The following DESI2 variants were observed in gnomAD, a reference collection of about 807,000 sequenced individuals.
DESI2 encodes desumoylating isopeptidase 2, also known as deubiquitinase DESI2.
DESI2 carries 10 observed loss-of-function variants against 24.1 expected under a neutral mutation model. The ratio of observed to expected loss-of-function variants is 0.41; its 90% CI spans 0.26 to 0.70. The LOEUF is 0.70. DESI2 is among the 30% of genes least tolerant of loss of function. The pLI is 0.29. For missense variants in DESI2, 122 were observed against 234.9 expected (o/e 0.52, Z 3.14); for synonymous variants, 71 against 87.7 (o/e 0.81, Z 1.06).
intron 2 of DESI2, among the ~76,000 whole-genome samples, chr1:244,688,248 A>C (rs1366885157): frequency 1.3e-5 from 2 of 152,224 alleles, no homozygotes; most frequent in Non-Finnish European, 2.9e-5. Context: ...TATAATTGAG[A>C]AAGTTAAGAA....
rs1483776983 is a variant in DESI2, at chr1:244,671,744, A to G, written c.43-14853A>G. Among the ~76,000 whole-genome samples, 3 of 152,318 alleles carry G rather than the reference A, an allele frequency of 2.0e-5. No individual in the cohort carries two copies. In the East Asian group the frequency reaches 5.8e-4, roughly 29 times the overall value. On this transcript the variant is annotated intron_variant, in intron 1 of 4. Coordinates refer to ENST00000302550, the MANE Select transcript of DESI2 (RefSeq NM_016076.5). Reference sequence around the variant, plus strand: ...TGTTTTGTTTGTCTTTTATGGATACATGTTATTGGCTATGATTTTGTTTTG... The same window carrying G: ...TGTTTTGTTTGTCTTTTATGGATACGTGTTATTGGCTATGATTTTGTTTTG...
intron 1 of DESI2, among the ~76,000 whole-genome samples, chr1:244,657,341 A>G (rs752659002): frequency 1.2e-4 from 18 of 152,144 alleles, no homozygotes; most frequent in Non-Finnish European, 2.1e-4. Flanking sequence ...TCGTATCTCA[A>G]ATCAACATGT....
intron 1 of DESI2, among the ~76,000 whole-genome samples, chr1:244,662,042 C>A (rs959357636): frequency 3.3e-5 from 5 of 152,178 alleles, no homozygotes; most frequent in African/African-American, 1.2e-4. Flanking sequence ...AAAAGTGTTC[C>A]TATTTCTCCA....
At chr1:244,683,707 A>C (rs2813913) in intron 1 of DESI2, among the ~76,000 whole-genome samples, 148,895 of 151,902 alleles carry the variant, frequency 0.98, 73,040 homozygotes, top group Non-Finnish European at 1. Flanking sequence ...AGAGCATCAC[A>C]CCTGCCCCAA....
intron 1 of DESI2, among the ~76,000 whole-genome samples, chr1:244,683,871 A>ATT (rs35465768): frequency 3.0e-4 from 42 of 141,748 alleles, no homozygotes; most frequent in East Asian, 1.2e-3. Flanking sequence ...TACCTGGCTA[A>ATT]TTTTTTTTTT....
At chr1:244,705,191 A>G (rs373775061) in intron 4 of DESI2, among the ~76,000 whole-genome samples, 13 of 152,346 alleles carry the variant, frequency 8.5e-5, no homozygotes, top group Admixed American at 5.9e-4. Context: ...TGGGGCTTCT[A>G]TTACTCTAAT....
At chr1:244,701,224 CCCCCCCCCCCG>C (rs1558669822) in intron 4 of DESI2, among the ~76,000 whole-genome samples, 25 of 79,480 alleles carry the variant, frequency 3.1e-4, no homozygotes, top group African/African-American at 1.4e-3. Context: ...CACCCCCCCC[CCCCCCCCCCCG>C]CCCTTTTAAC....
chr1:244,705,847 A>G lies in DESI2; in HGVS notation c.*58A>G, dbSNP rs1677677186. The G allele has an allele frequency of 2.4e-6, 3 of 1,237,238 alleles. No individual in the cohort carries two copies. Among genetic ancestry groups the G allele is most frequent in the African/African-American group, 3.0e-5 (2 of 67,042 alleles). 76.6% of individuals were successfully genotyped at this position (1,237,238 alleles called of 1,614,324 possible). On this transcript the variant is annotated 3_prime_UTR_variant, in exon 5 of 5. Transcript: ENST00000302550. ...CTGGCAGTCGAATATCACTAGAGAA[A>G]AGTAAACAGAGAAGCATCCTTTAGA...
chr1:244,662,331 A>T (rs766841441), intron 1 of DESI2, among the ~76,000 whole-genome samples: 2 of 152,150 alleles, frequency 1.3e-5, no homozygotes, highest in Non-Finnish European at 2.9e-5. Context: ...GTTATGAATA[A>T]TGGTGTGTGA....
chr1:244,683,680 T>C (rs1473841818), intron 1 of DESI2, among the ~76,000 whole-genome samples: 1 of 152,050 alleles, frequency 6.6e-6, no homozygotes, highest in African/African-American at 2.4e-5. Context: ...TTACTTCCTC[T>C]TCCTCTTAGT....
intron 1 of DESI2, among the ~76,000 whole-genome samples, chr1:244,658,717 C>A (rs1675735469): frequency 6.6e-6 from 1 of 152,038 alleles, no homozygotes; most frequent in African/African-American, 2.4e-5. Flanking sequence ...GTGCCAAATG[C>A]CTATTTCTGG....
intron 1 of DESI2, among the ~76,000 whole-genome samples, chr1:244,666,316 G>GT (rs1439529921): frequency 2.0e-5 from 3 of 152,142 alleles, no homozygotes; most frequent in African/African-American, 7.2e-5. Context: ...CTTCCGCTGT[G>GT]TACTAGAACC....
chr1:244,688,957 C>G (rs1046277917), intron 2 of DESI2, among the ~76,000 whole-genome samples: 2 of 152,142 alleles, frequency 1.3e-5, no homozygotes, highest in Non-Finnish European at 2.9e-5. Flanking sequence ...TATAGACAGG[C>G]AGAGAGAACT....
intron 1 of DESI2, among the ~76,000 whole-genome samples, chr1:244,668,711 TGAG>T (rs1676135091): frequency 6.6e-6 from 1 of 152,206 alleles, no homozygotes; most frequent in African/African-American, 2.4e-5. Context: ...ATTAAACTGA[TGAG>T]GGGCAAATCA....
At chr1:244,701,104 G>A (rs552549633) in intron 4 of DESI2, among the ~76,000 whole-genome samples, 1 of 149,582 alleles carries the variant, frequency 6.7e-6, no homozygotes, top group African/African-American at 2.5e-5. Context: ...TAATGATTTA[G>A]GAAATTTTTC....
intron 1 of DESI2, among the ~76,000 whole-genome samples, chr1:244,677,130 G>T (rs554980170): frequency 6.6e-6 from 1 of 152,170 alleles, no homozygotes; most frequent in Non-Finnish European, 1.5e-5. Flanking sequence ...AGCTTCTGAA[G>T]AATTGGTATT....
chr1:244,670,509 ACT>A (rs1676894182), intron 1 of DESI2, among the ~76,000 whole-genome samples: 1 of 152,164 alleles, frequency 6.6e-6, no homozygotes, highest in African/African-American at 2.4e-5. Context: ...TACAACTAAC[ACT>A]CATAATAATC....
chr1:244,675,193 A>T (rs1422086743), intron 1 of DESI2, among the ~76,000 whole-genome samples: 1 of 152,148 alleles, frequency 6.6e-6, no homozygotes, highest in Admixed American at 6.6e-5. Context: ...TATTCTACAT[A>T]TAAGTCCCTT....
At chr1:244,679,002 T>G (rs1326261510) in intron 1 of DESI2, among the ~76,000 whole-genome samples, 1 of 152,204 alleles carries the variant, frequency 6.6e-6, no homozygotes. Context: ...TTATGTGAAC[T>G]GGCGTGATAC....
Sources: gnomAD v4.1 joint callset for allele counts (sites outside exome capture counted in the v4.1 genomes callset) on GRCh38, gnomAD v4.1.1 for gene constraint, MANE v1.5 for transcripts, NCBI Gene and HGNC (gene_info 2026-07-23, HGNC 2026-07-21) for gene names.